Variants in PCDHA1 observed in about 807,000 individuals in gnomAD.
PCDHA1 encodes protocadherin alpha-1.
In PCDHA1, 42 loss-of-function variants were observed where a neutral mutation model predicts 61.3. The observed-to-expected ratio is 0.69, with a 90% confidence interval of 0.54 to 0.89. The LOEUF (loss-of-function observed/expected upper bound fraction) is 0.89, where lower values mean the gene tolerates loss of function less well. Ranked by LOEUF, PCDHA1 falls within the 40% of genes least tolerant of loss-of-function variation. The probability of loss-of-function intolerance (pLI) is 0.00; values close to 1 mark genes in which losing one functional copy is unlikely to be tolerated. For synonymous variants in PCDHA1, 610 were observed against 553.8 expected (o/e 1.10, Z -1.43); for missense variants, 1,256 against 1,235.3 (o/e 1.02, Z -0.25).
chr5:140,896,491 T>A (rs2065573741), intron 1 of PCDHA1, among the ~76,000 whole-genome samples: 1 of 152,042 alleles, frequency 6.6e-6, no homozygotes, highest in South Asian at 2.1e-4. Flanking sequence ...GCCTCCTGAG[T>A]AGCTGGGACT....
chr5:140,870,976 C>T (rs2052595345), intron 1 of PCDHA1: 1 of 1,613,480 alleles, frequency 6.2e-7, no homozygotes, highest in Non-Finnish European at 8.5e-7. Context: ...CCGCGTGGGG[C>T]TGTACACGGG....
intron 1 of PCDHA1, chr5:140,850,555 C>A (rs1562471328): frequency 6.3e-7 from 1 of 1,598,250 alleles, no homozygotes; most frequent in Non-Finnish European, 8.6e-7. Flanking sequence ...GTGGGTGCCA[C>A]GGGCCCCGAG....
At chr5:140,846,207 T>C (rs1310866622) in intron 1 of PCDHA1, among the ~76,000 whole-genome samples, 2 of 149,584 alleles carry the variant, frequency 1.3e-5, no homozygotes, top group Non-Finnish European at 3.0e-5. Context: ...GTATGAGATC[T>C]TTCCATTAAT....
At chr5:140,887,101 CTT>C (rs200717289) in intron 1 of PCDHA1, among the ~76,000 whole-genome samples, 4 of 145,262 alleles carry the variant, frequency 2.8e-5, no homozygotes, top group African/African-American at 5.0e-5. Flanking sequence ...ATCTTTATCT[CTT>C]TTTTTTTTTT....
chr5:140,821,273 T>C (rs1562258687), intron 1 of PCDHA1, among the ~76,000 whole-genome samples: 1 of 152,174 alleles, frequency 6.6e-6, no homozygotes, highest in Non-Finnish European at 1.5e-5. Flanking sequence ...TTTTATCAGT[T>C]TGGAAATATA....
rs181858092 is a variant in PCDHA1 at position 140,895,275 on chromosome 5, A to G, written c.2395-83674A>G. The stretch of plus-strand genomic sequence containing the variant: ...TTTCTTTTTTTTCTTACTCAGGGAT[A>G]ATTGAATTAGGACCTTCGATTTCCC... On this transcript the variant is annotated intron_variant, in intron 1 of 3. Transcript: ENST00000504120. 2.0e-5 allele frequency among the ~76,000 whole-genome samples: 3 copies of G among 152,146 alleles called. No individual in the cohort carries two copies. The East Asian group carries it at 5.8e-4, about 29-fold the overall frequency.
In PCDHA1 at chr5:140,786,617, C is replaced by CG; in HGVS notation, c.328dup (p.Ala110GlyfsTer18). ...AGTGCAGCATCCACCTGGAGTTGAT[C>CG]GCCGACAGGCCGCTGCAGGTTTTCC... On this transcript the variant is annotated frameshift_variant, in exon 1 of 4. Transcript: ENST00000504120. LOFTEE classifies it high-confidence loss of function. 1 of 1,614,238 alleles carries CG rather than the reference C, an allele frequency of 6.2e-7. No homozygotes were observed.
At chr5:140,823,640 G>T (rs2150127782) in intron 1 of PCDHA1, 1 of 1,613,994 alleles carries the variant, frequency 6.2e-7, no homozygotes, top group Non-Finnish European at 8.5e-7. Flanking sequence ...ATCCCGTTCC[G>T]CGTGGGGCTG....
At chr5:140,976,833 C>T (rs2096733011) in intron 1 of PCDHA1, among the ~76,000 whole-genome samples, 1 of 152,140 alleles carries the variant, frequency 6.6e-6, no homozygotes, top group Non-Finnish European at 1.5e-5. Flanking sequence ...ATGAGCAAAA[C>T]AGATATAATC....
chr5:140,829,374 G>A (rs2150166650), intron 1 of PCDHA1: 2 of 1,614,224 alleles, frequency 1.2e-6, no homozygotes, highest in Non-Finnish European at 8.5e-7. Context: ...GTAACCGCGC[G>A]GGACGGGGGC....
chr5:140,856,987 C>G (rs144244943), intron 1 of PCDHA1: 1 of 1,595,238 alleles, frequency 6.3e-7, no homozygotes, highest in Non-Finnish European at 8.6e-7. Flanking sequence ...AGGACAGTAA[C>G]ACTTATGAAA....
At chr5:140,868,988 C>T in intron 1 of PCDHA1, 1 of 1,506,234 alleles carries the variant, frequency 6.6e-7, no homozygotes, top group Non-Finnish European at 8.9e-7. Context: ...CCGGATGCCA[C>T]CGTTTAAGGA....
At chr5:140,991,356 T>C (rs574243681) in intron 3 of PCDHA1, among the ~76,000 whole-genome samples, 2 of 152,366 alleles carry the variant, frequency 1.3e-5, no homozygotes, top group Non-Finnish European at 2.9e-5. Flanking sequence ...AAAAGACTAT[T>C]TACTGTCTGA....
intron 1 of PCDHA1, chr5:140,869,773 G>A (rs1554163437): frequency 6.2e-7 from 1 of 1,612,948 alleles, no homozygotes; most frequent in Non-Finnish European, 8.5e-7. Context: ...AGAGCTTACT[G>A]GCACCGTTCG....
At chr5:140,966,030 A>C (rs1554227994) in intron 1 of PCDHA1, among the ~76,000 whole-genome samples, 4 of 152,164 alleles carry the variant, frequency 2.6e-5, no homozygotes, top group Admixed American at 6.5e-5. Context: ...AGTCAGGTGA[A>C]TAGTTCCCAT....
In PCDHA1 at chr5:140,871,676, A is replaced by G. The variant is rs141392186; in HGVS notation, c.2394+82992A>G. ...TACACATCTTCAGTCTTTTAATCAT[A>G]TGAATAATCTGGCTTCTTTAACCAA... On this transcript the variant is annotated intron_variant, in intron 1 of 3. Coordinates refer to ENST00000504120, the MANE Select transcript of PCDHA1 (RefSeq NM_018900.4). 511 of 1,133,248 alleles carry G rather than the reference A, an allele frequency of 4.5e-4. 2 individuals carry two copies. The African/African-American group carries it at 7.0e-3, about 16-fold the overall frequency. The allele number at this position is 1,133,248 out of a possible 1,614,324, so 70.2% of individuals were successfully genotyped here.
At chr5:140,894,569 CT>C (rs556288790) in intron 1 of PCDHA1, among the ~76,000 whole-genome samples, 1 of 151,328 alleles carries the variant, frequency 6.6e-6, no homozygotes, top group Non-Finnish European at 1.5e-5. Flanking sequence ...AATTATTTTC[CT>C]TTTTTTTAAT....
At chr5:140,900,130 C>T (rs1156261230) in intron 1 of PCDHA1, among the ~76,000 whole-genome samples, 1 of 152,084 alleles carries the variant, frequency 6.6e-6, no homozygotes, top group East Asian at 1.9e-4. Flanking sequence ...TTTTAGGTAC[C>T]ACAAATAAGT....
rs2150102424 is a variant in PCDHA1 at position 140,818,806 on chromosome 5, G to A, written c.2394+30122G>A. 4.6e-5 allele frequency among the ~76,000 whole-genome samples: 7 copies of A among 152,310 alleles called. No individual in the cohort carries two copies. In the East Asian group the frequency reaches 7.7e-4, roughly 17 times the overall value. On this transcript the variant is annotated intron_variant, in intron 1 of 3. Transcript: ENST00000504120. Reference sequence around the variant, plus strand: ...GACTGTACCACTGCACTCCAGCCTCGGTCAGAGTGAGACTCTTTGTCACCC... The same window carrying A: ...GACTGTACCACTGCACTCCAGCCTCAGTCAGAGTGAGACTCTTTGTCACCC...
Sources: gnomAD v4.1 joint callset for allele counts (sites outside exome capture counted in the v4.1 genomes callset) on GRCh38, gnomAD v4.1.1 for gene constraint, MANE v1.5 for transcripts, NCBI Gene and HGNC (gene_info 2026-07-23, HGNC 2026-07-21) for gene names.